Variants in OR6N1 observed in about 807,000 individuals in gnomAD.
OR6N1 encodes the protein olfactory receptor 6N1.
For missense variants in OR6N1, 394 were observed against 371.7 expected (o/e 1.06, Z -0.49); for synonymous variants, 170 against 150.7 (o/e 1.13, Z -0.94).
the OR6N1 span, among the ~76,000 whole-genome samples, chr1:158,785,263 A>T: frequency 6.6e-6 from 1 of 152,140 alleles, no homozygotes; most frequent in Non-Finnish European, 1.5e-5. Flanking sequence ...TCATCTTGTG[A>T]AATTCAGTAT....
chr1:158,777,851 C>A, the OR6N1 span, among the ~76,000 whole-genome samples: 1 of 152,118 alleles, frequency 6.6e-6, no homozygotes, highest in Non-Finnish European at 1.5e-5. Flanking sequence ...GTCTTGCATT[C>A]AATATTTACT....
chr1:158,782,058 G>A, the OR6N1 span, among the ~76,000 whole-genome samples: 4 of 152,238 alleles, frequency 2.6e-5, no homozygotes, highest in South Asian at 8.3e-4. Context: ...GTTCTTAATG[G>A]TCAAAGGAGC....
the OR6N1 span, among the ~76,000 whole-genome samples, chr1:158,786,857 G>A: frequency 6.6e-6 from 1 of 152,128 alleles, no homozygotes; most frequent in Non-Finnish European, 1.5e-5. Flanking sequence ...AAGGTGAGGA[G>A]GATGAGAAAT....
the OR6N1 span, among the ~76,000 whole-genome samples, chr1:158,803,530 T>A: frequency 6.6e-6 from 1 of 152,250 alleles, no homozygotes; most frequent in East Asian, 1.9e-4. Context: ...AGTGGCCACT[T>A]TAATACTCAT....
chr1:158,777,121 T>C, upstream of OR6N1: 2 of 1,614,150 alleles, frequency 1.2e-6, no homozygotes, highest in Non-Finnish European at 1.7e-6. Context: ...TTGGATTTCA[T>C]TGTAAGCACA....
the OR6N1 span, among the ~76,000 whole-genome samples, chr1:158,805,277 C>A: frequency 3.3e-5 from 5 of 152,338 alleles, no homozygotes; most frequent in African/African-American, 1.2e-4. Context: ...GACGTGACTG[C>A]TTCTTACTGT....
the OR6N1 span, among the ~76,000 whole-genome samples, chr1:158,788,616 G>A: frequency 6.6e-6 from 1 of 152,046 alleles, no homozygotes; most frequent in Admixed American, 6.6e-5. Context: ...TCAAATTATG[G>A]TAATTAGTAT....
In OR6N1 at chr1:158,772,001, C is replaced by T. The variant is rs1306468343; in HGVS notation, c.-19+20G>A. 2 of 152,162 alleles carry T rather than the reference C, an allele frequency of 1.3e-5. No homozygotes were observed. The highest frequency in any genetic ancestry group is 1.9e-4 in the East Asian group (1 of 5,196). 9.4% of individuals were successfully genotyped at this position (152,162 alleles called of 1,614,324 possible). ...AAGAAGGAATGTGAAGATGAAAATG[C>T]CTGCTTGATAAAGTCTTACCTAGAG... On this transcript the variant is annotated intron_variant, in intron 1 of 1. Transcript: ENST00000641846.
chr1:158,777,536 C>A, the OR6N1 span: 1 of 1,614,054 alleles, frequency 6.2e-7, no homozygotes, highest in African/African-American at 1.3e-5. Flanking sequence ...AACAGGTATG[C>A]CAATAGCAGC....
the OR6N1 span, among the ~76,000 whole-genome samples, chr1:158,830,888 G>A: frequency 6.6e-6 from 1 of 152,012 alleles, no homozygotes; most frequent in Non-Finnish European, 1.5e-5. Context: ...TTAATAACTG[G>A]GTGAATATGT....
At chr1:158,806,628 G>C in the OR6N1 span, among the ~76,000 whole-genome samples, 7 of 152,130 alleles carry the variant, frequency 4.6e-5, no homozygotes, top group Non-Finnish European at 8.8e-5. Flanking sequence ...CTGGTATGCT[G>C]AGACTAACTT....
the OR6N1 span, among the ~76,000 whole-genome samples, chr1:158,816,404 T>G: frequency 6.6e-6 from 1 of 151,908 alleles, no homozygotes; most frequent in East Asian, 2.0e-4. Flanking sequence ...ATAAATTTTT[T>G]GCCCAGGCTG....
At chr1:158,778,767 C>G in the OR6N1 span, among the ~76,000 whole-genome samples, 36 of 152,096 alleles carry the variant, frequency 2.4e-4, no homozygotes, top group African/African-American at 8.4e-4. Context: ...GTAATCCCAG[C>G]ATTTTGGGAG....
upstream of OR6N1, chr1:158,774,351 A>C (rs1198956738): frequency 6.6e-6 from 1 of 152,238 alleles, no homozygotes; most frequent in Admixed American, 6.5e-5. Flanking sequence ...ACCTGCTGAG[A>C]TAAAACACAC....
the OR6N1 span, among the ~76,000 whole-genome samples, chr1:158,838,035 T>G: frequency 1.3e-5 from 2 of 151,976 alleles, no homozygotes; most frequent in Non-Finnish European, 2.9e-5. Flanking sequence ...CAAATTGCAT[T>G]TATATAATAT....
At chr1:158,778,087 A>G in the OR6N1 span, among the ~76,000 whole-genome samples, 1 of 152,232 alleles carries the variant, frequency 6.6e-6, no homozygotes, top group South Asian at 2.1e-4. Flanking sequence ...TTCCTTCAGT[A>G]AAGACTTAAA....
chr1:158,776,534 A>G (rs1038902898), upstream of OR6N1: 2 of 504,228 alleles, frequency 4.0e-6, no homozygotes, highest in African/African-American at 2.0e-5. Flanking sequence ...ATAGAAATAA[A>G]GATGTAGAAA....
the OR6N1 span, among the ~76,000 whole-genome samples, chr1:158,788,012 AT>A: frequency 4.6e-5 from 7 of 152,220 alleles, no homozygotes; most frequent in African/African-American, 1.7e-4. Flanking sequence ...CACAGTGGAA[AT>A]GCTAAGCCTC....
chr1:158,782,490 G>A, the OR6N1 span, among the ~76,000 whole-genome samples: 1 of 152,190 alleles, frequency 6.6e-6, no homozygotes, highest in Non-Finnish European at 1.5e-5. Context: ...TTGACTCACT[G>A]CAATGTGGGT....
Sources: gnomAD v4.1 joint callset for allele counts (sites outside exome capture counted in the v4.1 genomes callset) on GRCh38, gnomAD v4.1.1 for gene constraint, MANE v1.5 for transcripts, NCBI Gene and HGNC (gene_info 2026-07-23, HGNC 2026-07-21) for gene names.